Variants in STT3B observed in about 807,000 individuals in gnomAD.
The protein encoded by STT3B is STT3 oligosaccharyltransferase complex catalytic subunit B.
Under a neutral mutation model 96.8 loss-of-function variants are expected in STT3B, and 29 were observed. The ratio of observed to expected loss-of-function variants is 0.30; its 90% confidence interval spans 0.22 to 0.41. The LOEUF (loss-of-function observed/expected upper bound fraction) is 0.41, where lower values mean the gene tolerates loss of function less well. STT3B is among the 10% of genes least tolerant of loss of function. The pLI is 1.00. For missense variants in STT3B, 640 were observed against 1,022.3 expected (o/e 0.63, Z 5.10); for synonymous variants, 367 against 360.0 (o/e 1.02, Z -0.22).
intron 15 of STT3B, among the ~76,000 whole-genome samples, chr3:31,633,643 T>G (rs1699705780): frequency 6.6e-6 from 1 of 152,124 alleles, no homozygotes; most frequent in Non-Finnish European, 1.5e-5. Context: ...TGACAAAGCT[T>G]ATAGGCAGGA....
At chr3:31,614,948 T>C (rs551823266) in intron 5 of STT3B, among the ~76,000 whole-genome samples, 157 bp from the exon 6 acceptor site, 1 of 151,926 alleles carries the variant, frequency 6.6e-6, no homozygotes, top group East Asian at 1.9e-4. Context: ...ATCTGTAACA[T>C]ATGGTTAACA....
chr3:31,600,410 T>C lies in STT3B; in HGVS notation c.828T>C (p.His276=), dbSNP rs781522565. 6.2e-7 allele frequency: 1 copy of C among 1,600,610 alleles called. No homozygotes were observed. Among genetic ancestry groups the C allele is most frequent in the Non-Finnish European group, 8.5e-7 (1 of 1,170,546 alleles). ...TTATCATCAATCTTATTCCACTGCA[T>C]GTATTTGTGTTGTTACTGATGCAGA... The part of the protein sequence containing the change: ...YVFIINLIPL[H]VFVLLLMQRY... The change falls in exon 5 of 16, where the codon CAT becomes CAC. Residue 276 remains histidine, a synonymous_variant. Coordinates refer to ENST00000295770, the MANE Select transcript of STT3B (RefSeq NM_178862.3).
intron 1 of STT3B, among the ~76,000 whole-genome samples, chr3:31,557,758 G>T (rs1023330001): frequency 6.6e-6 from 1 of 152,028 alleles, no homozygotes; most frequent in Admixed American, 6.6e-5. Context: ...TCGGCCTCCC[G>T]AGTAGCTGGG....
intron 14 of STT3B, among the ~76,000 whole-genome samples, chr3:31,631,694 C>T (rs1575450243): frequency 6.6e-6 from 1 of 151,888 alleles, no homozygotes; most frequent in African/African-American, 2.4e-5. Context: ...CACCTGTAAT[C>T]CCAGAACTTT....
chr3:31,623,780 T>A lies in STT3B; in HGVS notation c.1646T>A (p.Met549Lys). Residue 549 changes from methionine (M) to lysine (K), a missense_variant, in exon 11 of 16, where the codon ATG (methionine) becomes AAG (lysine). Around this residue, in one of 8 missense-constraint regions of STT3B, gnomAD observed 149 missense variants for 250.2 expected, o/e 0.60. Coordinates refer to ENST00000295770, the MANE Select transcript of STT3B (RefSeq NM_178862.3). Reference sequence around the variant, plus strand: ...ATGTTGATGCTGATGCTATTGATGATGTTTGCTGTCCACTGTACCTGGGTC... The same window carrying A: ...ATGTTGATGCTGATGCTATTGATGAAGTTTGCTGTCCACTGTACCTGGGTC... ...VTMLMLMLLM[M>K]FAVHCTWVTS... 6.2e-7 allele frequency: 1 copy of A among 1,614,144 alleles called. No homozygotes were observed. Among genetic ancestry groups the A allele is most frequent in the Non-Finnish European group, 8.5e-7 (1 of 1,179,984 alleles).
chr3:31,616,882 C>A (rs904235254), intron 6 of STT3B, 47 bp from the exon 7 acceptor site: 1 of 1,531,132 alleles, frequency 6.5e-7, no homozygotes, highest in African/African-American at 1.4e-5. Context: ...TTTTAAATGA[C>A]CTTGGAAAAC....
chr3:31,586,811 A>C (rs942047099), intron 3 of STT3B, among the ~76,000 whole-genome samples: 1 of 152,088 alleles, frequency 6.6e-6, no homozygotes, highest in African/African-American at 2.4e-5. Flanking sequence ...GAGTAATCTA[A>C]TGTTATTTCT....
chr3:31,564,897 T>G (rs1470464344), intron 1 of STT3B, among the ~76,000 whole-genome samples: 1 of 152,228 alleles, frequency 6.6e-6, no homozygotes, highest in African/African-American at 2.4e-5. Flanking sequence ...AACCAATTGT[T>G]AAACTTTAAA....
intron 14 of STT3B, among the ~76,000 whole-genome samples, chr3:31,632,416 T>A (rs535207879): frequency 6.6e-6 from 1 of 152,178 alleles, no homozygotes; most frequent in Non-Finnish European, 1.5e-5. Flanking sequence ...TAATAATATA[T>A]GTTATGGGGT....
At chr3:31,628,384 G>A (rs1699580837) in intron 13 of STT3B, among the ~76,000 whole-genome samples, 3 of 152,076 alleles carry the variant, frequency 2.0e-5, no homozygotes, top group Admixed American at 6.6e-5. Context: ...CATTTGCACA[G>A]TACGTTGCAT....
At chr3:31,578,138 G>C (rs1196466543) in intron 2 of STT3B, among the ~76,000 whole-genome samples, 1 of 152,098 alleles carries the variant, frequency 6.6e-6, no homozygotes, top group Non-Finnish European at 1.5e-5. Context: ...CTTTGTTTCT[G>C]CTCTGAGCAT....
Position 31,579,922 on chromosome 3 carries a change from C to A in STT3B, c.537C>A (p.Gly179=). Residue 179 remains glycine, a synonymous_variant, in exon 3 of 16, where the codon GGC becomes GGA. Transcript: ENST00000295770. The part of the protein sequence containing the change: ...VCVFLAPTFS[G]LTSISTFLLT... The stretch of plus-strand genomic sequence containing the variant: ...TGTTCCTTGCACCAACTTTTAGCGG[C>A]CTTACATCTATATCTACTTTCCTGC... 2.5e-6 allele frequency: 4 copies of A among 1,613,872 alleles called. 1 individual carries two copies. In the South Asian group the frequency reaches 4.4e-5, roughly 18 times the overall value.
intron 5 of STT3B, among the ~76,000 whole-genome samples, chr3:31,609,002 C>G (rs1330193540): frequency 2.6e-5 from 4 of 152,130 alleles, no homozygotes; most frequent in Non-Finnish European, 5.9e-5. Flanking sequence ...GTAGTCCCAG[C>G]TACTCAGGAG....
At chr3:31,562,624 G>C (rs1339879164) in intron 1 of STT3B, among the ~76,000 whole-genome samples, 1 of 152,176 alleles carries the variant, frequency 6.6e-6, no homozygotes, top group Non-Finnish European at 1.5e-5. Flanking sequence ...CTTTCCTTCA[G>C]AGTAGCTGTA....
In STT3B at chr3:31,636,945, C is replaced by G. The variant is rs1699763373; in HGVS notation, c.*881C>G. 1 of 152,092 alleles carries G rather than the reference C, an allele frequency of 6.6e-6. No homozygotes were observed. The highest frequency in any genetic ancestry group is 2.1e-4 in the South Asian group (1 of 4,828). 9.4% of individuals were successfully genotyped at this position (152,092 alleles called of 1,614,324 possible). ...GGTATCCAAAGTTCATTTTCTGTGA[C>G]TCATCAAAGTGACAAAAGACTTGTA... On this transcript the variant is annotated 3_prime_UTR_variant, in exon 16 of 16. Coordinates refer to ENST00000295770, the MANE Select transcript of STT3B (RefSeq NM_178862.3).
intron 1 of STT3B, among the ~76,000 whole-genome samples, chr3:31,567,362 C>A (rs1575417475): frequency 6.6e-6 from 1 of 152,012 alleles, no homozygotes; most frequent in South Asian, 2.1e-4. Context: ...TCTTTCTGTT[C>A]CTGATTGATT....
chr3:31,586,564 A>G (rs1698542397), intron 3 of STT3B, among the ~76,000 whole-genome samples: 1 of 152,072 alleles, frequency 6.6e-6, no homozygotes, highest in Non-Finnish European at 1.5e-5. Flanking sequence ...TAAGTTGATT[A>G]TGGTCTGGTG....
rs1696976965 is a variant in STT3B at position 31,533,048 on chromosome 3, C to T, written c.50C>T (p.Ser17Leu). The change falls in exon 1 of 16, where the codon TCG becomes TTG. Residue 17 changes from serine (S) to leucine (L), a missense_variant. Transcript: ENST00000295770. ...PESKHKSSLN[S>L]SPWSGLMALG... ...AGCAAGCACAAGTCGTCCCTCAACT[C>T]GTCCCCGTGGAGTGGCCTCATGGCC... is the stretch of plus-strand genomic sequence containing the variant. 5 of 1,586,266 alleles carry T rather than the reference C, an allele frequency of 3.2e-6. No homozygotes were observed. Among genetic ancestry groups the T allele is most frequent in the South Asian group, 1.1e-5 (1 of 89,866 alleles).
At chr3:31,558,182 T>TA (rs1241983645) in intron 1 of STT3B, among the ~76,000 whole-genome samples, 1 of 152,216 alleles carries the variant, frequency 6.6e-6, no homozygotes, top group Admixed American at 6.5e-5. Flanking sequence ...TTTGTCCTCT[T>TA]ACCTGATTGC....
Sources: allele counts gnomAD v4.1 joint callset (sites outside exome capture counted in the v4.1 genomes callset), GRCh38; gene constraint gnomAD v4.1.1; regional missense constraint gnomAD v4.1.1; transcripts MANE v1.5; gene names NCBI Gene and HGNC (gene_info 2026-07-23, HGNC 2026-07-21).